Variants in PDE4D observed in about 807,000 individuals in gnomAD.
PDE4D encodes the protein phosphodiesterase 4D.
Under a neutral mutation model 87.4 loss-of-function variants are expected in PDE4D, and 24 were observed. That is an observed-to-expected ratio of 0.27 (90% confidence interval 0.20 to 0.39). The LOEUF is 0.39. Ranked by LOEUF, PDE4D falls within the 10% of genes least tolerant of loss-of-function variation. The probability of loss-of-function intolerance (pLI) is 1.00; values close to 1 mark genes in which losing one functional copy is unlikely to be tolerated. For synonymous variants in PDE4D, 384 were observed against 383.2 expected, an observed-to-expected ratio of 1.00 and a Z score of -0.02; for missense variants, 714 against 1,041.0, an observed-to-expected ratio of 0.69 and a Z score of 4.32.
chr5:59,007,444 A>G (rs1179063169), intron 6 of PDE4D, among the ~76,000 whole-genome samples: 1 of 149,568 alleles, frequency 6.7e-6, no homozygotes, highest in East Asian at 2.0e-4. Context: ...ACAGAAAACT[A>G]GTGTTTCTCA....
chr5:60,129,958 TG>T (rs1051702908), intron 2 of PDE4D, among the ~76,000 whole-genome samples: 31 of 152,218 alleles, frequency 2.0e-4, no homozygotes, highest in African/African-American at 6.7e-4. Flanking sequence ...AGGTAGGGCC[TG>T]GGGGGTGATT....
At chr5:59,710,560 T>C (rs930449505) in intron 1 of PDE4D, among the ~76,000 whole-genome samples, 1 of 152,082 alleles carries the variant, frequency 6.6e-6, no homozygotes, top group Non-Finnish European at 1.5e-5. Context: ...AGTAACAAAA[T>C]ATATTATTTA....
At chr5:60,074,238 T>C (rs1358217959) in intron 2 of PDE4D, among the ~76,000 whole-genome samples, 1 of 152,216 alleles carries the variant, frequency 6.6e-6, no homozygotes, top group Non-Finnish European at 1.5e-5. Flanking sequence ...TTGTTCTCAT[T>C]AGTTTCTGGG....
At chr5:59,897,491 G>A (rs1751780166), upstream of PDE4D, among the ~76,000 whole-genome samples, 1 of 151,884 alleles carries the variant, frequency 6.6e-6, no homozygotes, top group Non-Finnish European at 1.5e-5. Context: ...TGGGGTCCAT[G>A]TGCTCAATGT....
intron 5 of PDE4D, among the ~76,000 whole-genome samples, chr5:59,150,693 G>A (rs991696413): frequency 6.6e-6 from 1 of 152,120 alleles, no homozygotes; most frequent in Non-Finnish European, 1.5e-5. Context: ...GCAATTCATG[G>A]GTTTACCAGC....
chr5:60,178,568 T>A (rs1417752853), intron 2 of PDE4D, among the ~76,000 whole-genome samples: 1 of 152,154 alleles, frequency 6.6e-6, no homozygotes, highest in Non-Finnish European at 1.5e-5. Context: ...GGTCTCTTGG[T>A]ATGTTCAAAT....
intron 5 of PDE4D, among the ~76,000 whole-genome samples, chr5:59,161,166 T>C (rs1781043334): frequency 6.6e-6 from 1 of 151,548 alleles, no homozygotes; most frequent in South Asian, 2.1e-4. Context: ...GAGACAGGTC[T>C]CAATCAGTTT....
At chr5:60,368,224 G>A (rs1328106356) in intron 1 of PDE4D, among the ~76,000 whole-genome samples, 1 of 152,188 alleles carries the variant, frequency 6.6e-6, no homozygotes, top group Non-Finnish European at 1.5e-5. Flanking sequence ...CTTGTGTTCT[G>A]CAGTTTACAG....
intron 5 of PDE4D, among the ~76,000 whole-genome samples, chr5:59,070,219 C>T (rs944519848): frequency 1.8e-4 from 28 of 152,062 alleles, no homozygotes; most frequent in Admixed American, 1.8e-3. Flanking sequence ...TCAATTTGAA[C>T]TTATTACAAG....
chr5:60,405,475 G>T (rs1741451174), intron 1 of PDE4D, among the ~76,000 whole-genome samples: 1 of 152,208 alleles, frequency 6.6e-6, no homozygotes, highest in Non-Finnish European at 1.5e-5. Flanking sequence ...GGACAATGAG[G>T]TCACTGGCCC....
At chr5:59,470,352 T>C (rs1255255912) in intron 1 of PDE4D, among the ~76,000 whole-genome samples, 2 of 152,198 alleles carry the variant, frequency 1.3e-5, no homozygotes, top group African/African-American at 2.4e-5. Flanking sequence ...CACTAACCAA[T>C]GCTGTTGTCC....
At chr5:59,144,817 C>G (rs377439156) in intron 5 of PDE4D, among the ~76,000 whole-genome samples, 1 of 136,906 alleles carries the variant, frequency 7.3e-6, no homozygotes, top group East Asian at 2.2e-4. Context: ...TTGCTTGACC[C>G]AGGGTTATAA....
intron 3 of PDE4D, among the ~76,000 whole-genome samples, chr5:59,936,942 C>G (rs553644583): frequency 1.1e-3 from 175 of 152,324 alleles, no homozygotes; most frequent in African/African-American, 4.1e-3. Flanking sequence ...TCATGTAGTT[C>G]AAAGTTTTCT....
At chr5:60,221,186 C>T (rs754663712) in intron 1 of PDE4D, among the ~76,000 whole-genome samples, 55 of 152,072 alleles carry the variant, frequency 3.6e-4, no homozygotes, top group Non-Finnish European at 7.1e-4. Context: ...CATTTACACA[C>T]ACAAACACAA....
At chr5:59,410,345 C>T (rs562101204) in intron 1 of PDE4D, among the ~76,000 whole-genome samples, 192 of 152,228 alleles carry the variant, frequency 1.3e-3, no homozygotes, top group African/African-American at 4.2e-3. Context: ...CTCCCAGGTT[C>T]AAGTGATTCT....
At chr5:59,071,035 C>T (rs541223960) in intron 5 of PDE4D, among the ~76,000 whole-genome samples, 4 of 152,278 alleles carry the variant, frequency 2.6e-5, no homozygotes, top group East Asian at 1.9e-4. Flanking sequence ...AAGGCTCGCA[C>T]CTCAGAAATA....
chr5:59,541,366 A>C lies in PDE4D; in HGVS notation c.456-325398T>G, dbSNP rs141725257. On this transcript the variant is annotated intron_variant, in intron 1 of 14. Coordinates refer to ENST00000340635, the MANE Select transcript of PDE4D (RefSeq NM_001104631.2). The stretch of plus-strand genomic sequence containing the variant: ...TTTTTATAAATGAAGAAAATTAATC[A>C]GAAGATATCTTTTTAGAATATAACA... Among the ~76,000 whole-genome samples the C allele has an allele frequency of 4.4e-4, 67 of 152,368 alleles. 1 individual carries two copies. In the East Asian group the frequency reaches 0.012, roughly 28 times the overall value.
intron 1 of PDE4D, among the ~76,000 whole-genome samples, chr5:59,491,295 A>G (rs1286860290): frequency 6.6e-6 from 1 of 152,188 alleles, no homozygotes; most frequent in African/African-American, 2.4e-5. Flanking sequence ...GAAATCAGAT[A>G]CCATATATAA....
intron 3 of PDE4D, among the ~76,000 whole-genome samples, chr5:59,899,526 T>C (rs759847877): frequency 6.2e-4 from 94 of 151,952 alleles, no homozygotes; most frequent in Non-Finnish European, 1.2e-3. Flanking sequence ...TATATATAGA[T>C]GCTTAAGTGT....
Sources: gnomAD v4.1 joint callset for allele counts (sites outside exome capture counted in the v4.1 genomes callset) on GRCh38, gnomAD v4.1.1 for gene constraint, MANE v1.5 for transcripts, NCBI Gene and HGNC (gene_info 2026-07-23, HGNC 2026-07-21) for gene names.